Variants in PCDH11X observed in about 807,000 individuals in gnomAD.
The protein encoded by PCDH11X is protocadherin-11 X-linked.
Under a neutral mutation model 53.3 loss-of-function variants are expected in PCDH11X, and 18 were observed. The observed-to-expected ratio is 0.34, with a 90% CI of 0.23 to 0.50. The LOEUF (loss-of-function observed/expected upper bound fraction) is 0.50, where lower values mean the gene tolerates loss of function less well. Among genes scored for constraint, PCDH11X ranks in the 20% least tolerant of loss-of-function variants. The pLI, the probability that PCDH11X is intolerant of heterozygous loss-of-function variation, is 0.98. For synonymous variants in PCDH11X, 279 were observed against 393.3 expected, an observed-to-expected ratio of 0.71 and a Z score of 3.44; for missense variants, 570 against 1,032.4, an observed-to-expected ratio of 0.55 and a Z score of 6.14.
intron 6 of PCDH11X, among the ~76,000 whole-genome samples, chrX:92,200,215 C>T (rs2066366619): frequency 9.0e-6 from 1 of 110,613 alleles, no homozygotes; most frequent in South Asian, 3.8e-4. Flanking sequence ...AAATAAGAAC[C>T]ACAGTGAAAT....
chrX:91,789,219 A>AAAAAG (rs1569379373), intron 1 of PCDH11X, among the ~76,000 whole-genome samples: 10 of 104,318 alleles, frequency 9.6e-5, no homozygotes, highest in Admixed American at 1.0e-4. Flanking sequence ...AAAAAAAAAA[A>AAAAAG]AAAAGAAAAG....
chrX:92,128,398 C>CT (rs1286836898), intron 6 of PCDH11X, among the ~76,000 whole-genome samples: 2,586 of 96,724 alleles, frequency 0.027, 101 homozygotes, highest in African/African-American at 0.087. Context: ...CAGCATTAGT[C>CT]TTTTTTTTTT....
chrX:92,056,535 C>T (rs1365610882), intron 6 of PCDH11X, among the ~76,000 whole-genome samples: 1 of 110,737 alleles, frequency 9.0e-6, no homozygotes, highest in African/African-American at 3.3e-5. Flanking sequence ...CTTTCGTTTC[C>T]TTAGATCCCA....
At chrX:92,557,941 C>T (rs939083574) in intron 10 of PCDH11X, among the ~76,000 whole-genome samples, 2 of 109,253 alleles carry the variant, frequency 1.8e-5, no homozygotes, top group African/African-American at 3.3e-5. Context: ...AAAGCAGGCA[C>T]TTTCTTCACA....
At chrX:92,538,793 TAA>T (rs1218295490) in intron 10 of PCDH11X, among the ~76,000 whole-genome samples, 3 of 104,210 alleles carry the variant, frequency 2.9e-5, no homozygotes, top group African/African-American at 1.0e-4. Flanking sequence ...CCTTTCTACT[TAA>T]GAGTAGTTTA....
intron 6 of PCDH11X, among the ~76,000 whole-genome samples, chrX:92,120,609 G>A (rs2064740654): frequency 8.9e-6 from 1 of 112,461 alleles, no homozygotes; most frequent in Admixed American, 9.4e-5. Flanking sequence ...CATTAGCCTT[G>A]TATTTTTATT....
At chrX:92,364,023 G>T (rs1466780864) in intron 8 of PCDH11X, among the ~76,000 whole-genome samples, 2 of 111,011 alleles carry the variant, frequency 1.8e-5, no homozygotes, top group East Asian at 2.8e-4. Context: ...ACTCAGTCTT[G>T]GTGTGTAACC....
intron 4 of PCDH11X, among the ~76,000 whole-genome samples, chrX:91,816,343 CCTTTT>C (rs201984606): frequency 0.04 from 4,437 of 110,337 alleles, 239 homozygotes; most frequent in African/African-American, 0.14. Context: ...GCAATGAATT[CCTTTT>C]CTTTTCATTT....
intron 1 of PCDH11X, among the ~76,000 whole-genome samples, chrX:91,801,387 A>G (rs1286639793): frequency 6.4e-5 from 7 of 109,908 alleles, no homozygotes; most frequent in African/African-American, 1.3e-4. Flanking sequence ...CATCGGCTGC[A>G]TATTGTGCCT....
chrX:92,046,352 C>G (rs1956053536), intron 6 of PCDH11X, among the ~76,000 whole-genome samples: 1 of 111,223 alleles, frequency 9.0e-6, no homozygotes, highest in Non-Finnish European at 1.9e-5. Context: ...TGGTAATAGA[C>G]TGTCTATGAA....
chrX:91,918,263 C>A (rs1161197978), intron 6 of PCDH11X, among the ~76,000 whole-genome samples: 1 of 110,111 alleles, frequency 9.1e-6, no homozygotes, highest in African/African-American at 3.3e-5. Context: ...ATCTCCTAGG[C>A]TAAGCTTCCT....
chrX:92,418,264 AT>A (rs1166336220), intron 9 of PCDH11X, among the ~76,000 whole-genome samples: 3 of 109,364 alleles, frequency 2.7e-5, no homozygotes, highest in Non-Finnish European at 5.7e-5. Context: ...AATAAAGCAA[AT>A]TTTTTTATTA....
At chrX:92,231,564 A>G (rs1424188877) in intron 7 of PCDH11X, among the ~76,000 whole-genome samples, 1 of 112,029 alleles carries the variant, frequency 8.9e-6, no homozygotes, top group Non-Finnish European at 1.9e-5. Flanking sequence ...ACAAAGTACT[A>G]GGAAAATCGT....
At chrX:92,142,710 C>T (rs551778779) in intron 6 of PCDH11X, among the ~76,000 whole-genome samples, 2 of 110,723 alleles carry the variant, frequency 1.8e-5, no homozygotes, top group Admixed American at 1.9e-4. Flanking sequence ...TTTACAAATA[C>T]GGGTAACTTG....
At chrX:92,055,543 A>T (rs1199627272) in intron 6 of PCDH11X, among the ~76,000 whole-genome samples, 1 of 108,126 alleles carries the variant, frequency 9.2e-6, no homozygotes, top group African/African-American at 3.4e-5. Context: ...CATAAGAGCC[A>T]TATTAGATTT....
Position 92,326,637 on chromosome X carries a change from T to TAGAG in PCDH11X, c.3145-61097_3145-61096insGAGA, listed in dbSNP as rs1429328742. ...TTTTAATAAACTATATATATATATA[T>TAGAG]ATAGAGAGAGAGAGAGAGAGAGAGA... On this transcript the variant is annotated intron_variant, in intron 8 of 10. Coordinates refer to ENST00000682573, the MANE Select transcript of PCDH11X (RefSeq NM_032968.5). 1.2e-4 allele frequency among the ~76,000 whole-genome samples: 6 copies of TAGAG among 50,062 alleles called. 1 individual carries two copies. The highest frequency in any genetic ancestry group is 1.8e-4 in the Non-Finnish European group (6 of 32,739). 43.5% of individuals were successfully genotyped at this position (50,062 alleles called of 115,157 possible).
chrX:92,562,058 C>T (rs1171264953), intron 10 of PCDH11X, among the ~76,000 whole-genome samples: 1 of 100,046 alleles, frequency 1.0e-5, no homozygotes, highest in African/African-American at 3.6e-5. Flanking sequence ...CATGATACTA[C>T]TATATGCTCA....
At chrX:91,966,630 G>A (rs2061868082) in intron 6 of PCDH11X, among the ~76,000 whole-genome samples, 2 of 110,049 alleles carry the variant, frequency 1.8e-5, no homozygotes, top group Admixed American at 9.7e-5. Flanking sequence ...ATGTACCCCA[G>A]AACTTAAAGT....
At chrX:92,505,351 T>G (rs1487946091) in intron 10 of PCDH11X, among the ~76,000 whole-genome samples, 3 of 109,082 alleles carry the variant, frequency 2.8e-5, no homozygotes, top group Non-Finnish European at 5.7e-5. Flanking sequence ...TTTAAGCATT[T>G]AACTCAACTT....
Sources: gnomAD v4.1 joint callset for allele counts (sites outside exome capture counted in the v4.1 genomes callset) on GRCh38, gnomAD v4.1.1 for gene constraint, MANE v1.5 for transcripts, NCBI Gene and HGNC (gene_info 2026-07-23, HGNC 2026-07-21) for gene names.